Variants in WDR88 observed in about 807,000 individuals in gnomAD.
WDR88 encodes the protein WD repeat-containing protein 88.
WDR88 carries 40 observed loss-of-function variants against 46.8 expected under a neutral mutation model. The ratio of observed to expected loss-of-function variants is 0.86; its 90% confidence interval spans 0.66 to 1.11. The LOEUF (loss-of-function observed/expected upper bound fraction) is 1.11. Ranked by LOEUF, WDR88 falls within the 50% of genes most tolerant of loss-of-function variation. The pLI is 0.00. For missense variants in WDR88, 562 were observed against 602.4 expected, an observed-to-expected ratio of 0.93 and a Z score of 0.70; for synonymous variants, 235 against 240.7, an observed-to-expected ratio of 0.98 and a Z score of 0.22.
At chr19:33,161,837 C>G (rs2145411016) in intron 8 of WDR88, among the ~76,000 whole-genome samples, 1 of 151,984 alleles carries the variant, frequency 6.6e-6, no homozygotes, top group East Asian at 1.9e-4. Context: ...TGGTCATGCC[C>G]ACCTGTAGTC....
intron 7 of WDR88, among the ~76,000 whole-genome samples, chr19:33,157,345 A>C (rs1973755113): frequency 6.6e-6 from 1 of 151,358 alleles, no homozygotes; most frequent in Non-Finnish European, 1.5e-5. Context: ...AAAAAATACA[A>C]AAATTAGCCA....
At chr19:33,143,522 T>C (rs977905184) in intron 2 of WDR88, among the ~76,000 whole-genome samples, 3 of 151,528 alleles carry the variant, frequency 2.0e-5, no homozygotes, top group African/African-American at 7.3e-5. Context: ...CGTGTGCCTA[T>C]GGTCCCAGCG....
At chr19:33,133,374 C>G (rs1223106688) in intron 1 of WDR88, among the ~76,000 whole-genome samples, 2 of 151,990 alleles carry the variant, frequency 1.3e-5, no homozygotes, top group East Asian at 3.9e-4. Context: ...ATGGTGAAAC[C>G]CTTTCTCTAC....
rs1974084070 is a variant in WDR88, at chr19:33,174,040, CG to C, written c.1243-1352del. The C allele has an allele frequency of 1.0e-5, 8 of 770,514 alleles. No individual in the cohort carries two copies. In the Admixed American group the frequency reaches 2.0e-4, roughly 20 times the overall value. The allele number at this position is 770,514 out of a possible 1,614,324, so 47.7% of individuals were successfully genotyped here. A position where few individuals can be genotyped will look rare whatever the true frequency, so the allele number is the denominator to read the frequency against. ...AATTGTTTTGTGTTTTTATTAGAGA[CG>C]GGGTTTCACCATGTTGGCCAGGTTG... On this transcript the variant is annotated intron_variant, in intron 10 of 10. Transcript: ENST00000355868.
At chr19:33,160,615 C>A in intron 8 of WDR88, 119 bp downstream of exon 8, 2 of 1,044,306 alleles carry the variant, frequency 1.9e-6, no homozygotes, top group Non-Finnish European at 2.9e-6. Context: ...CCTCTGTGGG[C>A]TGATGAAGGA....
chr19:33,150,726 T>C (rs60257963), intron 5 of WDR88, among the ~76,000 whole-genome samples: 10,902 of 152,354 alleles, frequency 0.072, 1,314 homozygotes, highest in African/African-American at 0.25. Flanking sequence ...GACCCCACCA[T>C]GCTTCAGACT....
intron 10 of WDR88, chr19:33,174,791 C>G (rs1974096283): frequency 1.0e-6 from 1 of 985,330 alleles, no homozygotes; most frequent in African/African-American, 1.7e-5. Context: ...GCTTGCCACG[C>G]ATGTCCTCAG....
intron 9 of WDR88, among the ~76,000 whole-genome samples, chr19:33,171,029 AG>A (rs368664258): frequency 1.6e-4 from 24 of 152,284 alleles, no homozygotes; most frequent in South Asian, 1.5e-3. Context: ...TCTGTCACCC[AG>A]GCTGGAGTGC....
intron 9 of WDR88, among the ~76,000 whole-genome samples, chr19:33,168,032 CT>C (rs1555727366): frequency 1.4e-3 from 198 of 137,576 alleles, no homozygotes; most frequent in Non-Finnish European, 1.4e-3. Flanking sequence ...TGATTTCTTT[CT>C]TTTTTTTTTT....
chr19:33,139,926 G>C (rs1019548520), intron 2 of WDR88, among the ~76,000 whole-genome samples: 9 of 152,112 alleles, frequency 5.9e-5, no homozygotes, highest in African/African-American at 1.9e-4. Context: ...GTGTGACCCT[G>C]GGGGGTTGCA....
Position 33,172,348 on chromosome 19 carries a change from G to A in WDR88, c.1150G>A (p.Asp384Asn). 6.2e-7 allele frequency: 1 copy of A among 1,613,004 alleles called. No homozygotes were observed. The highest frequency in any genetic ancestry group is 2.2e-5 in the East Asian group (1 of 44,866). Residue 384 changes from aspartate to asparagine, a missense_variant and splice_region_variant, in exon 10 of 11, where the codon GAT becomes AAT. Physicochemically the swap from Asp to Asn is conservative, Grantham distance 23. Transcript: ENST00000355868. ...NKKWILSASK[D>N]RTMRLWNIEE... Reference sequence around the variant, plus strand: ...ACCGCTGGTTTGCTATTTGTTTTAGGATAGGACCATGAGACTGTGGAATAT... The same window carrying A: ...ACCGCTGGTTTGCTATTTGTTTTAGAATAGGACCATGAGACTGTGGAATAT...
intron 1 of WDR88, among the ~76,000 whole-genome samples, 165 bp downstream of exon 1, chr19:33,132,610 C>G (rs1486055785): frequency 3.3e-5 from 5 of 152,214 alleles, no homozygotes; most frequent in Non-Finnish European, 7.3e-5. Context: ...GGGCAAAGGT[C>G]AGACCCACCT....
At chr19:33,174,245 A>T in intron 10 of WDR88, 1 of 1,536,330 alleles carries the variant, frequency 6.5e-7, no homozygotes, top group Non-Finnish European at 8.7e-7. Flanking sequence ...ACTTGCTCTG[A>T]ATCAATCAAC....
At chr19:33,135,429 CT>C (rs1018162056) in intron 1 of WDR88, among the ~76,000 whole-genome samples, 3 of 152,118 alleles carry the variant, frequency 2.0e-5, no homozygotes, top group African/African-American at 7.2e-5. Flanking sequence ...CACATTTTCT[CT>C]TTCTTTGAGA....
chr19:33,137,726 A>T lies in WDR88; in HGVS notation c.326A>T (p.His109Leu). Residue 109 changes from histidine to leucine, a missense_variant, in exon 2 of 11, where the codon CAC (histidine) becomes CTC (leucine). Physicochemically the swap from His to Leu is moderately conservative, Grantham distance 99 (BLOSUM62 -3). Coordinates refer to ENST00000355868, the MANE Select transcript of WDR88 (RefSeq NM_173479.4). ...SGHEHAVSTCHFCVDDTKLLS... is the reference protein window; with the variant it reads ...SGHEHAVSTCLFCVDDTKLLS... ...CACGAGCACGCTGTGAGCACCTGCC[A>T]CTTCTGTGTGGATGACACAAAGCTC... The T allele has an allele frequency of 6.2e-7, 1 of 1,613,970 alleles. No homozygotes were observed. Among genetic ancestry groups the T allele is most frequent in the Non-Finnish European group, 8.5e-7 (1 of 1,180,018 alleles).
In WDR88 at chr19:33,172,416, G is replaced by A; in HGVS notation, c.1218G>A (p.Lys406=). 3.1e-6 allele frequency: 5 copies of A among 1,614,058 alleles called. No individual in the cohort carries two copies. Among genetic ancestry groups the A allele is most frequent in the Non-Finnish European group, 4.2e-6 (5 of 1,179,978 alleles). ...DEIPLVIKYK[K]AVGLKLKQCE... is the part of the protein sequence containing the mutation. ...TTCCTTTGGTAATCAAGTACAAAAAGGCCGTGGGCTTAAAGTTGAAACAGG... is the reference window on the plus strand; with the variant it reads ...TTCCTTTGGTAATCAAGTACAAAAAAGCCGTGGGCTTAAAGTTGAAACAGG... Residue 406 remains lysine, a synonymous_variant, in exon 10 of 11, where the codon AAG becomes AAA. Coordinates refer to ENST00000355868, the MANE Select transcript of WDR88 (RefSeq NM_173479.4).
chr19:33,173,612 T>C (rs1275668946), intron 10 of WDR88, among the ~76,000 whole-genome samples: 1 of 152,244 alleles, frequency 6.6e-6, no homozygotes, highest in Non-Finnish European at 1.5e-5. Flanking sequence ...AATGGCTAAT[T>C]TGGGAGCCGC....
chr19:33,167,104 A>G (rs749259804), intron 9 of WDR88, among the ~76,000 whole-genome samples: 2 of 152,198 alleles, frequency 1.3e-5, no homozygotes, highest in Non-Finnish European at 2.9e-5. Context: ...AAGAACAAAC[A>G]TGACAATAAA....
chr19:33,136,902 T>G (rs1186408224), intron 1 of WDR88, among the ~76,000 whole-genome samples: 1 of 151,418 alleles, frequency 6.6e-6, no homozygotes, highest in African/African-American at 2.4e-5. Context: ...TGGAGATATA[T>G]CTATTCAAAT....
Sources: allele counts gnomAD v4.1 joint callset (sites outside exome capture counted in the v4.1 genomes callset), GRCh38; gene constraint gnomAD v4.1.1; transcripts MANE v1.5; gene names NCBI Gene and HGNC (gene_info 2026-07-23, HGNC 2026-07-21).